The following FUT9 variants were observed in gnomAD, a reference collection of about 807,000 sequenced individuals.
FUT9 encodes the protein 4-galactosyl-N-acetylglucosaminide 3-alpha-L-fucosyltransferase 9.
FUT9 carries 15 observed loss-of-function variants against 29.7 expected under a neutral mutation model. The ratio of observed to expected loss-of-function variants is 0.51; its 90% CI spans 0.34 to 0.78. The LOEUF (loss-of-function observed/expected upper bound fraction) is 0.78. Ranked by LOEUF, FUT9 falls within the 30% of genes least tolerant of loss-of-function variation. The probability of loss-of-function intolerance (pLI) is 0.01; values close to 1 mark genes in which losing one functional copy is unlikely to be tolerated. For missense variants in FUT9, 319 were observed against 425.4 expected (o/e 0.75, Z 2.20); for synonymous variants, 169 against 153.7 (o/e 1.10, Z -0.74).
intron 1 of FUT9, among the ~76,000 whole-genome samples, chr6:96,031,442 A>G (rs1770259441): frequency 6.6e-6 from 1 of 151,512 alleles, no homozygotes; most frequent in South Asian, 2.1e-4. Context: ...TGGTGCTATT[A>G]AGCATTGTAG....
intron 2 of FUT9, among the ~76,000 whole-genome samples, chr6:96,158,058 AATG>A (rs751793455): frequency 3.3e-5 from 5 of 152,216 alleles, no homozygotes; most frequent in Non-Finnish European, 7.4e-5. Flanking sequence ...AGGCCTCAAC[AATG>A]ATGACTTTTA....
chr6:96,053,370 A>T lies in FUT9; in HGVS notation c.-98+37158A>T, dbSNP rs368625115. ...AGTCTTTCTATTTTCAATGAAAAAAAACTCCAACAACTGAACCTGAGCCTG... is the reference window on the plus strand; with the variant it reads ...AGTCTTTCTATTTTCAATGAAAAAATACTCCAACAACTGAACCTGAGCCTG... On this transcript the variant is annotated intron_variant, in intron 1 of 2. Transcript: ENST00000302103. 2.4e-4 allele frequency among the ~76,000 whole-genome samples: 36 copies of T among 152,296 alleles called. No homozygotes were observed. The South Asian group carries it at 6.4e-3, about 27-fold the overall frequency.
rs117773984 is a variant in FUT9, at chr6:96,185,081, T to C, written c.-8-18067T>C. Among the ~76,000 whole-genome samples, 179 of 152,018 alleles carry C rather than the reference T, an allele frequency of 1.2e-3. 1 individual carries two copies. The highest frequency in any genetic ancestry group is 3.4e-3 in the Middle Eastern group (1 of 294). On this transcript the variant is annotated intron_variant, in intron 2 of 2. Coordinates refer to ENST00000302103, the MANE Select transcript of FUT9 (RefSeq NM_006581.4). ...CTTCCTTCCCCACTCCCTAGGGGAATCCCCTGATAATCAAAAGAAGTCACA... is the reference window on the plus strand; with the variant it reads ...CTTCCTTCCCCACTCCCTAGGGGAACCCCCTGATAATCAAAAGAAGTCACA...
chr6:96,190,310 C>G (rs1699320183), intron 2 of FUT9, among the ~76,000 whole-genome samples: 1 of 152,108 alleles, frequency 6.6e-6, no homozygotes, highest in Non-Finnish European at 1.5e-5. Context: ...TTGTGGGTAA[C>G]CCGACCTTTC....
intron 2 of FUT9, among the ~76,000 whole-genome samples, chr6:96,125,157 A>G (rs1028904534): frequency 3.9e-5 from 6 of 152,246 alleles, no homozygotes; most frequent in Admixed American, 2.6e-4. Context: ...GAAATCATGT[A>G]TAGAAAACAT....
intron 2 of FUT9, among the ~76,000 whole-genome samples, chr6:96,197,754 G>T (rs913289363): frequency 6.6e-6 from 1 of 152,168 alleles, no homozygotes; most frequent in African/African-American, 2.4e-5. Context: ...GTTGGGATAG[G>T]GGAGGTGGGT....
intron 1 of FUT9, among the ~76,000 whole-genome samples, chr6:96,064,750 T>TGCATGCATGTGCACACACAC (rs1770934638): frequency 1.3e-5 from 2 of 152,170 alleles, no homozygotes; most frequent in South Asian, 4.1e-4. Context: ...TACACACACA[T>TGCATGCATGTGCACACACAC]GCATGCATGT....
chr6:96,193,564 C>T lies in FUT9; in HGVS notation c.-8-9584C>T, dbSNP rs79685376. The stretch of plus-strand genomic sequence containing the variant: ...AAAATCAGGAAACAACAAGTGCTGG[C>T]GAGGATGTGGAGAAATAGGAACACT... On this transcript the variant is annotated intron_variant, in intron 2 of 2. Transcript: ENST00000302103. Among the ~76,000 whole-genome samples the T allele has an allele frequency of 4.0e-4, 61 of 151,774 alleles. 1 individual carries two copies. The highest frequency in any genetic ancestry group is 1.0e-3 in the South Asian group (5 of 4,778).
chr6:96,174,914 G>A (rs544607444), intron 2 of FUT9, among the ~76,000 whole-genome samples: 264 of 152,180 alleles, frequency 1.7e-3, no homozygotes, highest in African/African-American at 5.8e-3. Flanking sequence ...TTTCATATAT[G>A]TGCATTTAGA....
intron 1 of FUT9, among the ~76,000 whole-genome samples, chr6:96,055,955 A>G (rs932310610): frequency 9.2e-5 from 14 of 152,104 alleles, no homozygotes; most frequent in Non-Finnish European, 2.9e-5. Context: ...GAAACAATTT[A>G]TCAAAATATC....
chr6:96,090,927 T>C (rs1246126313), intron 1 of FUT9, among the ~76,000 whole-genome samples: 1 of 152,018 alleles, frequency 6.6e-6, no homozygotes, highest in Admixed American at 6.6e-5. Flanking sequence ...ATTTAAAATT[T>C]GAATGCCGCT....
chr6:96,189,223 G>T (rs1773460600), intron 2 of FUT9, among the ~76,000 whole-genome samples: 1 of 152,066 alleles, frequency 6.6e-6, no homozygotes, highest in African/African-American at 2.4e-5. Flanking sequence ...GCTCCAGGGA[G>T]AGGTGAGGGC....
chr6:96,143,695 CA>C (rs1468490942), intron 2 of FUT9, among the ~76,000 whole-genome samples: 1 of 151,912 alleles, frequency 6.6e-6, no homozygotes, highest in African/African-American at 2.4e-5. Flanking sequence ...AGTATTTGTC[CA>C]AAAAGATTAT....
chr6:96,102,196 G>A (rs1247621102), intron 1 of FUT9, among the ~76,000 whole-genome samples: 1 of 151,874 alleles, frequency 6.6e-6, no homozygotes, highest in Admixed American at 6.6e-5. Flanking sequence ...TAAAAATTAT[G>A]TGCGCTAATG....
At chr6:96,122,750 T>C (rs1772052346) in intron 2 of FUT9, among the ~76,000 whole-genome samples, 1 of 151,886 alleles carries the variant, frequency 6.6e-6, no homozygotes, top group African/African-American at 2.4e-5. Context: ...AAAATGGAAA[T>C]AAAAACAAGC....
At position 96,040,295 on chromosome 6, in the gene FUT9, A is replaced by G. The variant is rs1000350857; in HGVS notation, c.-98+24083A>G. On this transcript the variant is annotated intron_variant, in intron 1 of 2. Transcript: ENST00000302103. Reference sequence around the variant, plus strand: ...CTGAAAATTTCAACTCAGGCCTACAATAAATTCATTTATTTATCCATCAAC... The same window carrying G: ...CTGAAAATTTCAACTCAGGCCTACAGTAAATTCATTTATTTATCCATCAAC... 3.9e-5 allele frequency among the ~76,000 whole-genome samples: 6 copies of G among 152,178 alleles called. 1 individual carries two copies. In the South Asian group the frequency reaches 1.2e-3, roughly 31 times the overall value.
At chr6:96,034,188 G>T (rs931675430) in intron 1 of FUT9, among the ~76,000 whole-genome samples, 2 of 151,498 alleles carry the variant, frequency 1.3e-5, no homozygotes, top group African/African-American at 4.8e-5. Context: ...TCACCCTTCT[G>T]ATGAAGCAGG....
chr6:96,037,820 C>A (rs948142311), intron 1 of FUT9, among the ~76,000 whole-genome samples: 6 of 152,054 alleles, frequency 3.9e-5, no homozygotes, highest in Non-Finnish European at 5.9e-5. Context: ...AGCACAAGTT[C>A]TTAAAATAAT....
chr6:96,179,120 T>C (rs1773260430), intron 2 of FUT9, among the ~76,000 whole-genome samples: 1 of 152,150 alleles, frequency 6.6e-6, no homozygotes, highest in Non-Finnish European at 1.5e-5. Flanking sequence ...TTAGGTATAG[T>C]CATCCCGTAT....
Sources: gnomAD v4.1 joint callset for allele counts (sites outside exome capture counted in the v4.1 genomes callset) on GRCh38, gnomAD v4.1.1 for gene constraint, MANE v1.5 for transcripts, NCBI Gene and HGNC (gene_info 2026-07-23, HGNC 2026-07-21) for gene names.